BRD9: variants seen among roughly 807,000 people sequenced by gnomAD.
The protein encoded by BRD9 is bromodomain-containing protein 9.
A neutral mutation model predicts 68.7 loss-of-function variants in BRD9; 47 were observed. The observed-to-expected ratio is 0.68, with a 90% CI of 0.54 to 0.87. BRD9 has a LOEUF of 0.87. BRD9 is among the 40% of genes least tolerant of loss of function. The probability of loss-of-function intolerance (pLI) is 0.00; values close to 1 mark genes in which losing one functional copy is unlikely to be tolerated. For synonymous variants in BRD9, 313 were observed against 293.9 expected, an observed-to-expected ratio of 1.06 and a Z score of -0.67; for missense variants, 670 against 748.4, an observed-to-expected ratio of 0.90 and a Z score of 1.22.
rs1194704492 is a variant in BRD9 at position 864,521 on chromosome 5, C to T, written c.1741G>A (p.Asp581Asn). 1 of 1,613,998 alleles carries T rather than the reference C, an allele frequency of 6.2e-7. No homozygotes were observed. Among genetic ancestry groups the T allele is most frequent in the Non-Finnish European group, 8.5e-7 (1 of 1,179,932 alleles). ...SVGEQPDVTH[D>N]PYEFLQSPEP... ...GGAGACTGAAGAAACTCATAGGGGT[C>T]GTGGGTGACGTCTGGCTGCTCCCCG... The change falls in exon 16 of 16, where the codon GAC (aspartate) becomes AAC (asparagine). Residue 581 changes from aspartate to asparagine, a missense_variant. Asp to Asn is a conservative substitution (Grantham distance 23). This residue lies in a region of BRD9 where 280 missense variants were observed against 281.5 expected (regional missense o/e 0.99). Transcript: ENST00000467963.
chr5:881,301 G>A (rs572440139), intron 8 of BRD9, 119 bp from the exon 9 acceptor site: 53 of 918,290 alleles, frequency 5.8e-5, no homozygotes, highest in Middle Eastern at 4.3e-4. Context: ...AAGAACAAAC[G>A]CCAGAGGGCC....
At chr5:891,569 T>C in intron 2 of BRD9, 71 bp downstream of exon 2, 3 of 1,519,796 alleles carry the variant, frequency 2.0e-6, no homozygotes, top group Non-Finnish European at 2.6e-6. Context: ...GCACTCTGCC[T>C]GGGTCCTGGG....
chr5:889,877 G>T (rs1753103482), intron 3 of BRD9: 1 of 764,446 alleles, frequency 1.3e-6, no homozygotes, highest in Non-Finnish European at 2.0e-6. Context: ...ATAACCGGTA[G>T]CCCTTACATC....
At chr5:891,392 A>G in intron 2 of BRD9, 105 bp from the exon 3 acceptor site, 1 of 1,452,050 alleles carries the variant, frequency 6.9e-7, no homozygotes, top group Non-Finnish European at 9.1e-7. Flanking sequence ...AACTAAGGGA[A>G]ACCCCCTCCG....
At chr5:865,635 C>T (rs1749282324) in intron 14 of BRD9, 54 bp from the exon 15 acceptor site, 3 of 1,533,598 alleles carry the variant, frequency 2.0e-6, no homozygotes, top group Non-Finnish European at 2.6e-6. Flanking sequence ...GCCCGTCTAC[C>T]CTAAGGGCAG....
chr5:876,349 G>A (rs1579944520), intron 11 of BRD9, 137 bp from the exon 12 acceptor site: 7 of 608,548 alleles, frequency 1.2e-5, no homozygotes, highest in Non-Finnish European at 2.0e-5. Context: ...GTATTTTGTG[G>A]GGAGTGGCTG....
Position 864,004 on chromosome 5 carries a change from A to C in BRD9, c.*464T>G, listed in dbSNP as rs1291275954. 1 of 157,718 alleles carries C rather than the reference A, an allele frequency of 6.3e-6. No individual in the cohort carries two copies. Among genetic ancestry groups the C allele is most frequent in the Admixed American group, 6.0e-5 (1 of 16,542 alleles). 9.8% of individuals were successfully genotyped at this position (157,718 alleles called of 1,614,324 possible). A position where few individuals can be genotyped will look rare whatever the true frequency, so the allele number is the denominator to read the frequency against. On this transcript the variant is annotated 3_prime_UTR_variant, in exon 16 of 16. Coordinates refer to ENST00000467963, the MANE Select transcript of BRD9 (RefSeq NM_023924.5). ...TGCCTCCCAAGAGCGACCCCAGGAC[A>C]GTGGGGCAGACAGAGGTGTCTACAC... is the stretch of plus-strand genomic sequence containing the variant.
chr5:891,834 C>A lies in BRD9; in HGVS notation c.73G>T (p.Glu25Ter). The change falls in exon 2 of 16, where the codon GAG becomes TAG. Residue 25 changes from glutamate (E) to a stop codon, truncating the protein, a stop_gained. Coordinates refer to ENST00000467963, the MANE Select transcript of BRD9 (RefSeq NM_023924.5). LOFTEE classifies it high-confidence loss of function. Reference sequence around the variant, plus strand: ...TTCAGGACTAGCTTTAGAGGCTTCTCCAGGGGCTTGTCGGCATAATCTGCA... The same window carrying A: ...TTCAGGACTAGCTTTAGAGGCTTCTACAGGGGCTTGTCGGCATAATCTGCA... Reference protein sequence around the residue: ...SYEDYADKPLEKPLKLVLKVG... With the variant: ...SYEDYADKPL 1 of 1,551,510 alleles carries A rather than the reference C, an allele frequency of 6.4e-7. No individual in the cohort carries two copies. Among genetic ancestry groups the A allele is most frequent in the South Asian group, 1.2e-5 (1 of 84,058 alleles).
chr5:870,178 C>T (rs970514795), intron 14 of BRD9: 5 of 310,776 alleles, frequency 1.6e-5, no homozygotes, highest in Admixed American at 4.7e-5. Context: ...TTCATGGAGG[C>T]GGTAGGCAAC....
At chr5:881,442 G>T (rs367915166) in intron 8 of BRD9, 2 of 549,958 alleles carry the variant, frequency 3.6e-6, no homozygotes, top group South Asian at 2.2e-5. Context: ...CTTCACCCAC[G>T]AGTAAACATT....
chr5:880,673 G>C (rs572896214), intron 9 of BRD9, among the ~76,000 whole-genome samples: 96 of 152,362 alleles, frequency 6.3e-4, no homozygotes, highest in African/African-American at 2.2e-3. Flanking sequence ...GACAGGCCTA[G>C]TGTGCACCAT....
chr5:883,192 C>A, intron 8 of BRD9: 1 of 386,614 alleles, frequency 2.6e-6, no homozygotes, highest in Non-Finnish European at 5.1e-6. Flanking sequence ...CTCTGAAATG[C>A]CCCCACTTCA....
At chr5:884,281 T>C (rs912271998) in intron 7 of BRD9, among the ~76,000 whole-genome samples, 3 of 152,238 alleles carry the variant, frequency 2.0e-5, no homozygotes, top group African/African-American at 7.2e-5. Flanking sequence ...AAAGGGTAAG[T>C]GTAAGCCAAG....
intron 14 of BRD9, 28 bp from the exon 15 acceptor site, chr5:865,609 C>T (rs758280273): frequency 8.3e-6 from 13 of 1,562,988 alleles, no homozygotes; most frequent in South Asian, 5.6e-5. Flanking sequence ...GACCCCACGT[C>T]GGCTGAGCTC....
intron 14 of BRD9, among the ~76,000 whole-genome samples, chr5:867,549 G>A (rs766449729): frequency 9.9e-5 from 15 of 152,238 alleles, no homozygotes; most frequent in Non-Finnish European, 1.6e-4. Flanking sequence ...CCACAAGGGC[G>A]GGGCTGCCCA....
rs536139559 is a variant in BRD9 at position 864,362 on chromosome 5, G to A, written c.*106C>T. 22 of 934,408 alleles carry A rather than the reference G, an allele frequency of 2.4e-5. No individual in the cohort carries two copies. Among genetic ancestry groups the A allele is most frequent in the Non-Finnish European group, 3.0e-5 (19 of 636,960 alleles). 57.9% of individuals were successfully genotyped at this position (934,408 alleles called of 1,614,324 possible). ...CATTACCTCCCCGCGGCTGCTTCCC[G>A]CATGCCAAAGGGGACAGGATCAAAG... On this transcript the variant is annotated 3_prime_UTR_variant, in exon 16 of 16. Coordinates refer to ENST00000467963, the MANE Select transcript of BRD9 (RefSeq NM_023924.5).
intron 11 of BRD9, among the ~76,000 whole-genome samples, chr5:877,593 A>G (rs530491414): frequency 1.3e-5 from 2 of 152,188 alleles, no homozygotes; most frequent in Non-Finnish European, 2.9e-5. Context: ...ACCCACTTTT[A>G]TTTTGCCACA....
At chr5:889,832 C>T (rs1753092930) in intron 3 of BRD9, 185 bp from the exon 4 acceptor site, 4 of 1,294,322 alleles carry the variant, frequency 3.1e-6, no homozygotes, top group East Asian at 3.2e-5. Flanking sequence ...GTAGAAAGGG[C>T]ACCCCCACAG....
chr5:884,310 T>C (rs1313382156), intron 7 of BRD9, among the ~76,000 whole-genome samples: 1 of 152,206 alleles, frequency 6.6e-6, no homozygotes, highest in African/African-American at 2.4e-5. Flanking sequence ...CTTCCTATTT[T>C]TCAACGCAGT....
Sources: allele counts gnomAD v4.1 joint callset (sites outside exome capture counted in the v4.1 genomes callset), GRCh38; gene constraint gnomAD v4.1.1; regional missense constraint gnomAD v4.1.1; transcripts MANE v1.5; gene names NCBI Gene and HGNC (gene_info 2026-07-23, HGNC 2026-07-21).